The following ANK2 variants were observed in gnomAD, a reference collection of about 807,000 sequenced individuals.
The protein encoded by ANK2 is ankyrin 2, also known as ankyrin-2.
In ANK2, 83 loss-of-function variants were observed where a neutral mutation model predicts 360.5. The ratio of observed to expected loss-of-function variants is 0.23; its 90% CI spans 0.19 to 0.28. The LOEUF (loss-of-function observed/expected upper bound fraction) is 0.28. Ranked by LOEUF, ANK2 falls within the 10% of genes least tolerant of loss-of-function variation. The pLI, the probability that ANK2 is intolerant of heterozygous loss-of-function variation, is 1.00. For synonymous variants in ANK2, 1,740 were observed against 1,759.5 expected, an observed-to-expected ratio of 0.99 and a Z score of 0.28; for missense variants, 4,201 against 4,795.7, an observed-to-expected ratio of 0.88 and a Z score of 3.66.
chr4:113,025,736 G>C (rs1401172072), intron 2 of ANK2, among the ~76,000 whole-genome samples: 2 of 152,050 alleles, frequency 1.3e-5, no homozygotes, highest in African/African-American at 4.8e-5. Context: ...AATTGCTAAG[G>C]AGATCTGAGG....
intron 9 of ANK2, 104 bp from the exon 10 acceptor site, chr4:113,249,660 G>A (rs1417695406): frequency 4.9e-6 from 5 of 1,015,120 alleles, no homozygotes; most frequent in Non-Finnish European, 7.6e-6. Context: ...TATTTATTGA[G>A]TAATCAGGAT....
the ANK2 span, among the ~76,000 whole-genome samples, chr4:112,721,276 A>G: frequency 6.6e-6 from 1 of 152,164 alleles, no homozygotes; most frequent in Non-Finnish European, 1.5e-5. Flanking sequence ...ATGGTAGCTC[A>G]CACCTGTAAT....
chr4:112,805,479 A>G, the ANK2 span, among the ~76,000 whole-genome samples: 6 of 152,074 alleles, frequency 3.9e-5, no homozygotes, highest in Non-Finnish European at 7.4e-5. Context: ...GCACTGTCGT[A>G]AATAAGCTAG....
intron 2 of ANK2, among the ~76,000 whole-genome samples, chr4:112,957,799 G>A (rs1230875001): frequency 2.7e-5 from 4 of 150,318 alleles, no homozygotes; most frequent in South Asian, 2.1e-4. Flanking sequence ...CTTCTCAGAC[G>A]GGGCGGCTGC....
At chr4:113,097,361 A>G (rs765663064) in intron 1 of ANK2, among the ~76,000 whole-genome samples, 3 of 151,944 alleles carry the variant, frequency 2.0e-5, no homozygotes, top group Non-Finnish European at 2.9e-5. Context: ...TCAGCAACAT[A>G]ATTCCTTTTC....
chr4:113,240,941 CTT>C (rs772473638), intron 8 of ANK2, among the ~76,000 whole-genome samples: 1 of 152,078 alleles, frequency 6.6e-6, no homozygotes, highest in Non-Finnish European at 1.5e-5. Context: ...AGTAGCATGT[CTT>C]ATGATGACTG....
intron 1 of ANK2, among the ~76,000 whole-genome samples, chr4:113,051,816 A>T (rs1255376646): frequency 6.6e-6 from 1 of 152,194 alleles, no homozygotes; most frequent in Non-Finnish European, 1.5e-5. Flanking sequence ...AATTATATAT[A>T]GAATATTTTA....
At chr4:112,715,804 A>G in the ANK2 span, among the ~76,000 whole-genome samples, 1 of 152,140 alleles carries the variant, frequency 6.6e-6, no homozygotes, top group Non-Finnish European at 1.5e-5. Context: ...GCATGGGACC[A>G]GGGGACTTGC....
At chr4:113,121,486 T>A (rs2095351638) in intron 1 of ANK2, among the ~76,000 whole-genome samples, 1 of 152,190 alleles carries the variant, frequency 6.6e-6, no homozygotes, top group Admixed American at 6.6e-5. Context: ...GGGGAAATTA[T>A]GTAAATTCGT....
chr4:113,029,808 G>C (rs2060023725), intron 2 of ANK2, among the ~76,000 whole-genome samples: 1 of 152,046 alleles, frequency 6.6e-6, no homozygotes, highest in South Asian at 2.1e-4. Flanking sequence ...AAATGCCCTA[G>C]TAGATTAAAG....
intron 2 of ANK2, among the ~76,000 whole-genome samples, chr4:113,007,778 T>C (rs2053403671): frequency 6.6e-6 from 1 of 152,182 alleles, no homozygotes; most frequent in African/African-American, 2.4e-5. Flanking sequence ...AAAACACGTA[T>C]TAGCCTTCTC....
At chr4:113,240,111 A>C (rs2153566455) in intron 7 of ANK2, among the ~76,000 whole-genome samples, 1 of 152,298 alleles carries the variant, frequency 6.6e-6, no homozygotes, top group Middle Eastern at 3.4e-3. Flanking sequence ...AAAGACATTA[A>C]AAAATTCATT....
intron 45 of ANK2, among the ~76,000 whole-genome samples, chr4:113,380,076 T>C (rs982851028): frequency 6.6e-6 from 1 of 152,218 alleles, no homozygotes; most frequent in African/African-American, 2.4e-5. Flanking sequence ...GCTTAAATTC[T>C]CGGAGATTCA....
chr4:112,997,170 T>A (rs544736299), intron 2 of ANK2, among the ~76,000 whole-genome samples: 1 of 152,216 alleles, frequency 6.6e-6, no homozygotes, highest in South Asian at 2.1e-4. Context: ...CAACCTGATA[T>A]TGTGAAATAT....
rs895072112 is a variant in ANK2, at chr4:113,381,441, G to C, written c.11860-16G>C. ...AGTGAAAAGAGCGTAATTCTCTCTT[G>C]TCTGCTTTTCTCCAGGACAACAATG... On this transcript the variant is annotated splice_polypyrimidine_tract_variant and intron_variant, in intron 45 of 45. Coordinates refer to ENST00000357077, the MANE Select transcript of ANK2 (RefSeq NM_001148.6). 1 of 1,614,090 alleles carries C rather than the reference G, an allele frequency of 6.2e-7. No individual in the cohort carries two copies. Among genetic ancestry groups the C allele is most frequent in the African/African-American group, 1.3e-5 (1 of 75,054 alleles).
intron 4 of ANK2, among the ~76,000 whole-genome samples, chr4:113,222,901 T>C (rs945668616): frequency 6.6e-6 from 1 of 152,236 alleles, no homozygotes; most frequent in Non-Finnish European, 1.5e-5. Flanking sequence ...TGAGAAAATG[T>C]ATATGATACT....
intron 1 of ANK2, among the ~76,000 whole-genome samples, chr4:113,127,893 A>C (rs1236169594): frequency 6.6e-6 from 1 of 152,176 alleles, no homozygotes; most frequent in African/African-American, 2.4e-5. Context: ...CAGGGAGGAA[A>C]ACAGGATGGT....
At chr4:113,147,104 A>T (rs2096862319) in intron 1 of ANK2, among the ~76,000 whole-genome samples, 1 of 152,216 alleles carries the variant, frequency 6.6e-6, no homozygotes, top group South Asian at 2.1e-4. Context: ...TTGGCAGTGA[A>T]CAGAAAGCCC....
intron 1 of ANK2, among the ~76,000 whole-genome samples, chr4:112,841,486 G>A (rs548017711): frequency 6.6e-6 from 1 of 152,292 alleles, no homozygotes; most frequent in South Asian, 2.1e-4. Context: ...TACATATTGA[G>A]CTGATGATAG....
Sources: gnomAD v4.1 joint callset for allele counts (sites outside exome capture counted in the v4.1 genomes callset) on GRCh38, gnomAD v4.1.1 for gene constraint, MANE v1.5 for transcripts, NCBI Gene and HGNC (gene_info 2026-07-23, HGNC 2026-07-21) for gene names.